Variants in DOCK3 observed in about 807,000 individuals in gnomAD.
DOCK3 encodes the protein dedicator of cytokinesis protein 3.
DOCK3 carries 60 observed loss-of-function variants against 265.6 expected under a neutral mutation model. The observed-to-expected ratio is 0.23, with a 90% CI of 0.18 to 0.28. The LOEUF is 0.28. Among genes scored for constraint, DOCK3 ranks in the 10% least tolerant of loss-of-function variants. DOCK3 has a pLI of 1.00. For synonymous variants in DOCK3, 881 were observed against 938.0 expected (o/e 0.94, Z 1.11); for missense variants, 1,981 against 2,594.3 (o/e 0.76, Z 5.14).
In DOCK3 at chr3:51,358,381, A is replaced by G. The variant is rs532613659; in HGVS notation, c.4884+304A>G. On this transcript the variant is annotated intron_variant, in intron 46 of 52. Coordinates refer to ENST00000266037, the MANE Select transcript of DOCK3 (RefSeq NM_004947.5). ...TCATATGTGAAGGAAGAGAGCTAAC[A>G]TATATGGCCCACATGTAGGGATCTT... Among the ~76,000 whole-genome samples, 7 of 152,328 alleles carry G rather than the reference A, an allele frequency of 4.6e-5. No homozygotes were observed. In the South Asian group the frequency reaches 8.3e-4, roughly 18 times the overall value.
intron 7 of DOCK3, among the ~76,000 whole-genome samples, chr3:51,082,544 T>C (rs530356986): frequency 6.6e-6 from 1 of 152,162 alleles, no homozygotes; most frequent in Non-Finnish European, 1.5e-5. Context: ...CTGCCACTGA[T>C]AGCAACCCTG....
At chr3:50,790,707 C>G (rs2042426131) in intron 2 of DOCK3, among the ~76,000 whole-genome samples, 1 of 151,994 alleles carries the variant, frequency 6.6e-6, no homozygotes. Context: ...ATAAATTTTC[C>G]TTTATAGGTT....
At chr3:51,195,945 G>C (rs1472598123) in intron 12 of DOCK3, among the ~76,000 whole-genome samples, 3 of 149,484 alleles carry the variant, frequency 2.0e-5, no homozygotes, top group Non-Finnish European at 3.0e-5. Context: ...GTTGTTTTTT[G>C]TTTTTTTTGA....
intron 28 of DOCK3, among the ~76,000 whole-genome samples, chr3:51,311,104 A>G (rs2083045883): frequency 6.6e-6 from 1 of 152,236 alleles, no homozygotes; most frequent in Non-Finnish European, 1.5e-5. Flanking sequence ...ACTTCCTCAA[A>G]TAGTGACTTT....
At chr3:50,752,086 C>A (rs75896524) in intron 1 of DOCK3, among the ~76,000 whole-genome samples, 1 of 152,050 alleles carries the variant, frequency 6.6e-6, no homozygotes, top group Non-Finnish European at 1.5e-5. Context: ...AATGCTTTTT[C>A]TTTTTTGTCT....
At chr3:51,331,510 G>A (rs1310217094) in intron 33 of DOCK3, among the ~76,000 whole-genome samples, 2 of 151,546 alleles carry the variant, frequency 1.3e-5, no homozygotes, top group African/African-American at 4.9e-5. Context: ...ATAACATGGA[G>A]CAGCATTTTC....
intron 10 of DOCK3, among the ~76,000 whole-genome samples, chr3:51,152,823 G>A (rs564231985): frequency 4.6e-5 from 7 of 152,268 alleles, no homozygotes; most frequent in East Asian, 1.9e-4. Context: ...TATCACCAGC[G>A]GAGGCTGCAA....
chr3:50,832,369 A>G (rs1370871669), intron 2 of DOCK3, among the ~76,000 whole-genome samples: 1 of 152,228 alleles, frequency 6.6e-6, no homozygotes, highest in Non-Finnish European at 1.5e-5. Flanking sequence ...AATGGGATCT[A>G]ATTAAACTAA....
intron 3 of DOCK3, among the ~76,000 whole-genome samples, chr3:50,887,285 C>T (rs1275616137): frequency 6.6e-6 from 1 of 151,070 alleles, no homozygotes; most frequent in Non-Finnish European, 1.5e-5. Context: ...AATTTCTGGA[C>T]ACATACACCC....
intron 12 of DOCK3, among the ~76,000 whole-genome samples, chr3:51,190,541 T>C (rs936961344): frequency 1.3e-5 from 2 of 152,170 alleles, no homozygotes; most frequent in Non-Finnish European, 2.9e-5. Context: ...ATACCTGAGG[T>C]AACATACAAG....
At chr3:51,044,834 TC>T (rs2080699120) in intron 5 of DOCK3, among the ~76,000 whole-genome samples, 1 of 152,200 alleles carries the variant, frequency 6.6e-6, no homozygotes, top group African/African-American at 2.4e-5. Flanking sequence ...CTTAGACTTT[TC>T]TTCAGCAGCT....
chr3:51,046,737 A>T (rs1437862867), intron 5 of DOCK3, among the ~76,000 whole-genome samples: 1 of 152,158 alleles, frequency 6.6e-6, no homozygotes, highest in Admixed American at 6.6e-5. Context: ...CCCAATAGAC[A>T]TACACAGAAC....
chr3:51,026,435 T>C (rs887804040), intron 5 of DOCK3, among the ~76,000 whole-genome samples: 1 of 9,510 alleles, frequency 1.1e-4, no homozygotes, highest in Non-Finnish European at 6.0e-4. Context: ...GGCCTGTAGT[T>C]TTTTTTTTTT....
intron 5 of DOCK3, among the ~76,000 whole-genome samples, chr3:51,041,558 T>G (rs1030554774): frequency 2.0e-5 from 3 of 152,178 alleles, no homozygotes; most frequent in Non-Finnish European, 2.9e-5. Flanking sequence ...AAGTGGAAAT[T>G]ACTCCCTGAT....
intron 3 of DOCK3, among the ~76,000 whole-genome samples, chr3:50,872,656 T>A (rs2047487642): frequency 1.3e-5 from 2 of 152,326 alleles, no homozygotes; most frequent in Admixed American, 1.3e-4. Context: ...TGGGTGAGTT[T>A]AGAGGTGATA....
chr3:51,204,316 C>T (rs1276563930), intron 12 of DOCK3, among the ~76,000 whole-genome samples: 4 of 143,320 alleles, frequency 2.8e-5, no homozygotes, highest in African/African-American at 1.0e-4. Flanking sequence ...AACAAATTTA[C>T]AAGAAAAAAA....
At chr3:51,132,704 G>A (rs779115405) in intron 9 of DOCK3, among the ~76,000 whole-genome samples, 24 of 152,282 alleles carry the variant, frequency 1.6e-4, no homozygotes, top group Non-Finnish European at 2.5e-4. Flanking sequence ...TGGCTGTTCC[G>A]CAATGAAATA....
chr3:51,111,812 C>T (rs2083531457), intron 9 of DOCK3, among the ~76,000 whole-genome samples: 1 of 152,046 alleles, frequency 6.6e-6, no homozygotes, highest in South Asian at 2.1e-4. Flanking sequence ...AACCTGTGCA[C>T]CCGACAAAGG....
At chr3:50,885,092 CT>C (rs1240158992) in intron 3 of DOCK3, among the ~76,000 whole-genome samples, 2 of 152,156 alleles carry the variant, frequency 1.3e-5, no homozygotes, top group African/African-American at 4.8e-5. Flanking sequence ...GTGTTTTTTA[CT>C]GTCTCTATGG....
Sources: allele counts gnomAD v4.1 joint callset (sites outside exome capture counted in the v4.1 genomes callset), GRCh38; gene constraint gnomAD v4.1.1; transcripts MANE v1.5; gene names NCBI Gene and HGNC (gene_info 2026-07-23, HGNC 2026-07-21).